Variants in PRRG1 observed in about 807,000 individuals in gnomAD.
PRRG1 encodes the protein transmembrane gamma-carboxyglutamic acid protein 1.
In PRRG1, 5 loss-of-function variants were observed where a neutral mutation model predicts 11.8. The observed-to-expected ratio is 0.42, with a 90% CI of 0.22 to 0.89. The LOEUF is 0.89. PRRG1 is among the 40% of genes least tolerant of loss of function. The probability of loss-of-function intolerance (pLI) is 0.28; values close to 1 mark genes in which losing one functional copy is unlikely to be tolerated. For synonymous variants in PRRG1, 66 were observed against 60.4 expected (o/e 1.09, Z -0.43); for missense variants, 155 against 166.1 (o/e 0.93, Z 0.37).
intron 1 of PRRG1, among the ~76,000 whole-genome samples, chrX:37,370,829 C>A (rs1930740224): frequency 1.8e-5 from 2 of 112,007 alleles, no homozygotes; most frequent in Admixed American, 1.9e-4. Context: ...GATCTCAGAG[C>A]AAAGTTGAGG....
At chrX:37,350,331 G>A (rs193005253) in intron 1 of PRRG1, among the ~76,000 whole-genome samples, 4 of 111,842 alleles carry the variant, frequency 3.6e-5, no homozygotes, top group Admixed American at 2.8e-4. Flanking sequence ...TGAAGAGGTT[G>A]AGTGACAAAA....
At chrX:37,395,399 G>T (rs1438680581) in intron 1 of PRRG1, among the ~76,000 whole-genome samples, 2 of 111,379 alleles carry the variant, frequency 1.8e-5, no homozygotes, top group African/African-American at 6.5e-5. Flanking sequence ...CGAATCACGA[G>T]GTCAGGAGGT....
intron 3 of PRRG1, among the ~76,000 whole-genome samples, chrX:37,426,888 T>C (rs1219859539): frequency 8.9e-6 from 1 of 112,247 alleles, no homozygotes; most frequent in African/African-American, 3.2e-5. Flanking sequence ...ATGTTCATTG[T>C]AGAGAAATTT....
At chrX:37,450,070 A>G (rs1556396146) in intron 3 of PRRG1, among the ~76,000 whole-genome samples, 1 of 112,553 alleles carries the variant, frequency 8.9e-6, no homozygotes, top group Non-Finnish European at 1.9e-5. Flanking sequence ...AATTGAAAGT[A>G]TTTAATCTGT....
rs1477763201 is a variant in PRRG1, at chrX:37,456,967, G to A, written c.*3346G>A. ...TAGAATTGGCACTTTCTGCCTCCTTGCTCTAAATGTCACAAAAAATTATAC... is the reference window on the plus strand; with the variant it reads ...TAGAATTGGCACTTTCTGCCTCCTTACTCTAAATGTCACAAAAAATTATAC... On this transcript the variant is annotated 3_prime_UTR_variant, in exon 4 of 4. Coordinates refer to ENST00000378628, the MANE Select transcript of PRRG1 (RefSeq NM_001142395.2). 1.8e-5 allele frequency: 2 copies of A among 111,631 alleles called. No homozygotes were observed. The highest frequency in any genetic ancestry group is 3.8e-5 in the Non-Finnish European group (2 of 53,063). The allele number at this position is 111,631 out of a possible 1,213,427, so 9.2% of individuals were successfully genotyped here. A position where few individuals can be genotyped will look rare whatever the true frequency, so the allele number is the denominator to read the frequency against.
intron 3 of PRRG1, among the ~76,000 whole-genome samples, chrX:37,426,411 C>T (rs1157970246): frequency 2.7e-5 from 3 of 111,971 alleles, no homozygotes; most frequent in Non-Finnish European, 3.8e-5. Context: ...GACATACCTT[C>T]CCACTCCGCG....
At chrX:37,373,728 C>A (rs782749410) in intron 1 of PRRG1, among the ~76,000 whole-genome samples, 1 of 111,440 alleles carries the variant, frequency 9.0e-6, no homozygotes, top group East Asian at 2.8e-4. Flanking sequence ...TATATAAGAC[C>A]AATAGTTTAA....
Position 37,410,586 on chromosome X carries a change from G to A in PRRG1, c.10+4327G>A, listed in dbSNP as rs150378999. ...ATGGCTCATTGTTCATCAACCTTTA[G>A]GGTAACAGCTAAAATACATGTGTAT... On this transcript the variant is annotated intron_variant, in intron 2 of 3. Coordinates refer to ENST00000378628, the MANE Select transcript of PRRG1 (RefSeq NM_001142395.2). 4.3e-4 allele frequency among the ~76,000 whole-genome samples: 48 copies of A among 112,237 alleles called. No homozygotes were observed. In the East Asian group the frequency reaches 0.013, roughly 31 times the overall value.
At chrX:37,408,420 GA>G (rs781824952) in intron 2 of PRRG1, among the ~76,000 whole-genome samples, 15 of 111,901 alleles carry the variant, frequency 1.3e-4, no homozygotes, top group Non-Finnish European at 2.6e-4. Context: ...TAGCCTGCGA[GA>G]AAACTGGCCC....
chrX:37,409,631 A>G (rs1263542015), intron 2 of PRRG1, among the ~76,000 whole-genome samples: 1 of 112,372 alleles, frequency 8.9e-6, no homozygotes, highest in Non-Finnish European at 1.9e-5. Flanking sequence ...AGCTTTGCTT[A>G]GTTTGCCTGA....
In PRRG1 at chrX:37,448,484, C is replaced by G. The variant is rs782358543; in HGVS notation, c.172-4652C>G. On this transcript the variant is annotated intron_variant, in intron 3 of 3. Transcript: ENST00000378628. ...GCTCCCTATCTCCAGACCCTATTCT[C>G]CTGCTTCAGTTCTATTCAAGTGTCC... is the stretch of plus-strand genomic sequence containing the variant. Among the ~76,000 whole-genome samples the G allele has an allele frequency of 4.5e-5, 5 of 111,860 alleles. No individual in the cohort carries two copies. The South Asian group carries it at 1.9e-3, about 42-fold the overall frequency.
intron 1 of PRRG1, among the ~76,000 whole-genome samples, chrX:37,396,427 TG>T (rs1284575986): frequency 9.0e-6 from 1 of 111,634 alleles, no homozygotes; most frequent in Non-Finnish European, 1.9e-5. Flanking sequence ...AATTGAATCA[TG>T]GGGGGCAGGT....
chrX:37,390,647 C>T lies in PRRG1; in HGVS notation c.-41-15562C>T, dbSNP rs192460647. 4.1e-4 allele frequency among the ~76,000 whole-genome samples: 46 copies of T among 112,173 alleles called. No homozygotes were observed. The East Asian group carries it at 0.012, about 29-fold the overall frequency. Reference sequence around the variant, plus strand: ...GCTAATTCCAAATACAGAGCTTGTCCTCATCACTGTAGACACCACCACTAC... The same window carrying T: ...GCTAATTCCAAATACAGAGCTTGTCTTCATCACTGTAGACACCACCACTAC... On this transcript the variant is annotated intron_variant, in intron 1 of 3. Coordinates refer to ENST00000378628, the MANE Select transcript of PRRG1 (RefSeq NM_001142395.2).
At chrX:37,382,213 A>AT (rs1344788164) in intron 1 of PRRG1, among the ~76,000 whole-genome samples, 1 of 111,599 alleles carries the variant, frequency 9.0e-6, no homozygotes, top group Non-Finnish European at 1.9e-5. Context: ...TTTGTAGTTT[A>AT]TTTCAGTTAA....
intron 1 of PRRG1, among the ~76,000 whole-genome samples, chrX:37,376,551 G>GTATATATATATAGATATATATATATATA (rs1930955136): frequency 7.4e-5 from 2 of 26,911 alleles, no homozygotes; most frequent in South Asian, 2.5e-3. Flanking sequence ...AAATGTGAGT[G>GTATATATATATAGATATATATATATATA]TATATATATA....
chrX:37,406,138 C>T, intron 1 of PRRG1, 71 bp from the exon 2 acceptor site: 1 of 960,234 alleles, frequency 1.0e-6, no homozygotes, highest in Non-Finnish European at 1.5e-6. Flanking sequence ...ATCAGCTGTA[C>T]TGGAGCTTAT....
chrX:37,434,954 C>T (rs188449707), intron 3 of PRRG1, among the ~76,000 whole-genome samples: 2 of 112,114 alleles, frequency 1.8e-5, no homozygotes, highest in African/African-American at 6.5e-5. Context: ...TGACTTTCCA[C>T]AGTGGTTGTC....
chrX:37,390,072 T>C (rs1556376207), intron 1 of PRRG1, among the ~76,000 whole-genome samples: 1 of 111,908 alleles, frequency 8.9e-6, no homozygotes, highest in East Asian at 2.8e-4. Flanking sequence ...AAAATCAAGA[T>C]GACAGCAGAT....
chrX:37,426,077 A>G, intron 3 of PRRG1, 77 bp downstream of exon 3: 1 of 970,521 alleles, frequency 1.0e-6, no homozygotes, highest in Non-Finnish European at 1.4e-6. Context: ...GCATCCCTGA[A>G]TTATGTACAT....
Sources: gnomAD v4.1 joint callset for allele counts (sites outside exome capture counted in the v4.1 genomes callset) on GRCh38, gnomAD v4.1.1 for gene constraint, MANE v1.5 for transcripts, NCBI Gene and HGNC (gene_info 2026-07-23, HGNC 2026-07-21) for gene names.